Variants in HYAL4 observed in about 807,000 individuals in gnomAD.
HYAL4 encodes the protein hyaluronidase 4, also known as hyaluronidase-4.
HYAL4 carries 37 observed loss-of-function variants against 35.2 expected under a neutral mutation model. That is an observed-to-expected ratio of 1.05 (90% confidence interval 0.81 to 1.38). The LOEUF is 1.38. Among genes scored for constraint, HYAL4 ranks in the 40% most tolerant of loss-of-function variants. HYAL4 has a pLI of 0.00. For missense variants in HYAL4, 572 were observed against 572.4 expected (o/e 1.00, Z 0.01); for synonymous variants, 198 against 203.2 (o/e 0.97, Z 0.22).
At chr7:123,790,674 C>T in the HYAL4 span, 3 of 148,154 alleles carry the variant, frequency 2.0e-5, no homozygotes, top group Admixed American at 6.9e-5. Context: ...TTCTCTGTAT[C>T]GTTCCAATTT....
the HYAL4 span, among the ~76,000 whole-genome samples, chr7:123,791,427 G>T: frequency 6.6e-6 from 1 of 152,134 alleles, no homozygotes; most frequent in Non-Finnish European, 1.5e-5. Context: ...ACAAGAGATG[G>T]TATGCTTCTT....
upstream of HYAL4, among the ~76,000 whole-genome samples, chr7:123,827,802 A>G (rs560811636): frequency 2.0e-5 from 3 of 152,280 alleles, no homozygotes; most frequent in South Asian, 6.2e-4. Flanking sequence ...TACTGAGAAA[A>G]TATCCCACTG....
chr7:123,771,682 G>A, the HYAL4 span, among the ~76,000 whole-genome samples: 1 of 152,054 alleles, frequency 6.6e-6, no homozygotes, highest in Non-Finnish European at 1.5e-5. Flanking sequence ...TGGTTAGTGT[G>A]TGAACTTCAC....
At chr7:123,801,963 G>T in the HYAL4 span, among the ~76,000 whole-genome samples, 1 of 152,234 alleles carries the variant, frequency 6.6e-6, no homozygotes, top group South Asian at 2.1e-4. Context: ...GTTCCTAGAG[G>T]GTAGAGGGTT....
the HYAL4 span, among the ~76,000 whole-genome samples, chr7:123,770,791 A>AG: frequency 6.6e-6 from 1 of 152,182 alleles, no homozygotes; most frequent in Non-Finnish European, 1.5e-5. Context: ...ATCAAAAAAA[A>AG]AAGGTTTTAT....
At chr7:123,852,210 T>C (rs1806320181) in intron 2 of HYAL4, among the ~76,000 whole-genome samples, 1 of 152,202 alleles carries the variant, frequency 6.6e-6, no homozygotes, top group African/African-American at 2.4e-5. Context: ...CTGATGATAG[T>C]TTCTTTTGCT....
chr7:123,776,028 A>T, the HYAL4 span, among the ~76,000 whole-genome samples: 1 of 152,232 alleles, frequency 6.6e-6, no homozygotes, highest in Non-Finnish European at 1.5e-5. Context: ...TCTATAATCC[A>T]TTTTAAATAG....
At chr7:123,792,038 G>A in the HYAL4 span, among the ~76,000 whole-genome samples, 5 of 152,118 alleles carry the variant, frequency 3.3e-5, no homozygotes, top group African/African-American at 1.2e-4. Flanking sequence ...TTCTTCATTG[G>A]CTGAGAGCTT....
the HYAL4 span, among the ~76,000 whole-genome samples, chr7:123,800,981 A>T: frequency 6.6e-6 from 1 of 152,062 alleles, no homozygotes; most frequent in Non-Finnish European, 1.5e-5. Flanking sequence ...TTCAAAATAA[A>T]ATTTATTTTA....
chr7:123,791,551 T>G, the HYAL4 span, among the ~76,000 whole-genome samples: 1 of 152,336 alleles, frequency 6.6e-6, no homozygotes, highest in South Asian at 2.1e-4. Context: ...CCCTGGGGCT[T>G]ACATATTCCC....
At chr7:123,860,135 C>T (rs1806544968) in intron 2 of HYAL4, among the ~76,000 whole-genome samples, 1 of 152,150 alleles carries the variant, frequency 6.6e-6, no homozygotes, top group African/African-American at 2.4e-5. Flanking sequence ...GGAAGTTCCT[C>T]CTTCATAACA....
At chr7:123,789,370 A>T in the HYAL4 span, among the ~76,000 whole-genome samples, 1 of 152,196 alleles carries the variant, frequency 6.6e-6, no homozygotes, top group Non-Finnish European at 1.5e-5. Context: ...AATGGACTAT[A>T]ATCCATTTGG....
chr7:123,849,815 C>T (rs945328696), intron 2 of HYAL4, among the ~76,000 whole-genome samples: 1 of 152,024 alleles, frequency 6.6e-6, no homozygotes, highest in Admixed American at 6.6e-5. Flanking sequence ...TGCAGTGGAC[C>T]GAGATCGCAT....
At chr7:123,813,978 A>G in the HYAL4 span, among the ~76,000 whole-genome samples, 845 of 152,310 alleles carry the variant, frequency 5.5e-3, 2 homozygotes, top group Middle Eastern at 0.027. Context: ...TTCACATTTC[A>G]CTATAAATTG....
the HYAL4 span, among the ~76,000 whole-genome samples, chr7:123,801,437 A>G: frequency 6.6e-6 from 1 of 152,172 alleles, no homozygotes; most frequent in Admixed American, 6.5e-5. Flanking sequence ...ATTAGCTTGA[A>G]CCATAAATTA....
chr7:123,770,839 T>C, the HYAL4 span, among the ~76,000 whole-genome samples: 16 of 152,202 alleles, frequency 1.1e-4, no homozygotes, highest in Admixed American at 1.0e-3. Context: ...ATGGCAGAGA[T>C]TCTGTGTCTT....
At chr7:123,854,914 G>T (rs1478932123) in intron 2 of HYAL4, among the ~76,000 whole-genome samples, 3 of 152,142 alleles carry the variant, frequency 2.0e-5, no homozygotes, top group Non-Finnish European at 2.9e-5. Flanking sequence ...CCTGTATTGG[G>T]TGCATATATA....
the HYAL4 span, among the ~76,000 whole-genome samples, chr7:123,796,655 T>G: frequency 1.3e-5 from 2 of 152,162 alleles, no homozygotes; most frequent in Non-Finnish European, 2.9e-5. Context: ...AGCAGCAGTA[T>G]TCATAATAGC....
the HYAL4 span, among the ~76,000 whole-genome samples, chr7:123,801,889 C>T: frequency 6.6e-6 from 1 of 152,230 alleles, no homozygotes; most frequent in Non-Finnish European, 1.5e-5. Context: ...CCCCAGCAAA[C>T]CAGACTGCCT....
Sources: gnomAD v4.1 joint callset for allele counts (sites outside exome capture counted in the v4.1 genomes callset) on GRCh38, gnomAD v4.1.1 for gene constraint, MANE v1.5 for transcripts, NCBI Gene and HGNC (gene_info 2026-07-23, HGNC 2026-07-21) for gene names.